The following CPA6 variants were observed in gnomAD, a reference collection of about 807,000 sequenced individuals.
The protein encoded by CPA6 is carboxypeptidase B.
In CPA6, 58 loss-of-function variants were observed where a neutral mutation model predicts 63.3. That is an observed-to-expected ratio of 0.92 (90% CI 0.74 to 1.14). The LOEUF is 1.14. Ranked by LOEUF, CPA6 falls within the 50% of genes most tolerant of loss-of-function variation. CPA6 has a pLI of 0.00. For synonymous variants in CPA6, 185 were observed against 179.0 expected, an observed-to-expected ratio of 1.03 and a Z score of -0.27; for missense variants, 565 against 526.6, an observed-to-expected ratio of 1.07 and a Z score of -0.71.
At chr8:67,641,113 C>T (rs991706265) in intron 1 of CPA6, among the ~76,000 whole-genome samples, 5 of 151,772 alleles carry the variant, frequency 3.3e-5, no homozygotes, top group Non-Finnish European at 7.3e-5. Context: ...CTGCTGCAGC[C>T]GGCATGATGG....
At chr8:67,503,240 T>G (rs1811863588) in intron 6 of CPA6, among the ~76,000 whole-genome samples, 1 of 151,970 alleles carries the variant, frequency 6.6e-6, no homozygotes, top group Non-Finnish European at 1.5e-5. Context: ...GGTTTTACCA[T>G]GTTGGCCAGG....
intron 2 of CPA6, among the ~76,000 whole-genome samples, chr8:67,581,337 ATTCATGGGGACTAGCCGTAATGTACAAAG>A (rs1304995649): frequency 2.0e-5 from 3 of 152,176 alleles, no homozygotes; most frequent in Non-Finnish European, 2.9e-5. Context: ...TATATTACTC[ATTCATGGGGACTAGCCGTAATGTACAAAG>A]TACATAAAGG....
intron 2 of CPA6, among the ~76,000 whole-genome samples, chr8:67,597,113 A>T (rs572093992): frequency 2.0e-5 from 3 of 151,572 alleles, no homozygotes; most frequent in Admixed American, 1.3e-4. Context: ...GTGACTACGC[A>T]TTACTTCTTC....
At chr8:67,721,410 T>C (rs2129001778) in intron 1 of CPA6, among the ~76,000 whole-genome samples, 1 of 152,352 alleles carries the variant, frequency 6.6e-6, no homozygotes, top group South Asian at 2.1e-4. Context: ...GACTTTTAAA[T>C]AAGTCACATA....
chr8:67,600,798 A>C (rs960577796), intron 2 of CPA6, among the ~76,000 whole-genome samples: 1 of 152,206 alleles, frequency 6.6e-6, no homozygotes, highest in Non-Finnish European at 1.5e-5. Context: ...TATAACAAAA[A>C]ATGTTTTCTC....
chr8:67,661,003 G>A (rs779204296), intron 1 of CPA6, among the ~76,000 whole-genome samples: 2 of 152,140 alleles, frequency 1.3e-5, no homozygotes, highest in Non-Finnish European at 2.9e-5. Context: ...GGCCTTTCTG[G>A]AAAGCAAAGT....
In CPA6 at chr8:67,677,342, C is replaced by CTTTTT. The variant is rs35049117; in HGVS notation, c.117-53096_117-53092dup. On this transcript the variant is annotated intron_variant, in intron 1 of 10. Transcript: ENST00000297770. ...TCTTTATTCATTTTCAAAACACCTT[C>CTTTTT]TTTTTTTTTTTTTTTTTTTATCCTG... Among the ~76,000 whole-genome samples, 114 of 128,322 alleles carry CTTTTT rather than the reference C, an allele frequency of 8.9e-4. 1 individual carries two copies. The highest frequency in any genetic ancestry group is 1.8e-3 in the East Asian group (8 of 4,490). 84.2% of individuals were successfully genotyped at this position (128,322 alleles called of 152,430 possible). A position where few individuals can be genotyped will look rare whatever the true frequency, so the allele number is the denominator to read the frequency against.
At chr8:67,743,990 A>T (rs1290515327) in intron 1 of CPA6, among the ~76,000 whole-genome samples, 1 of 152,232 alleles carries the variant, frequency 6.6e-6, no homozygotes, top group Non-Finnish European at 1.5e-5. Context: ...AAAAACTGCT[A>T]AATACTCTTC....
intron 8 of CPA6, among the ~76,000 whole-genome samples, chr8:67,458,668 G>A (rs1314703796): frequency 1.3e-5 from 2 of 152,152 alleles, no homozygotes; most frequent in African/African-American, 2.4e-5. Context: ...CTTTTAAAGC[G>A]TTAGTATCAA....
chr8:67,678,151 C>G (rs1816517175), intron 1 of CPA6, among the ~76,000 whole-genome samples: 1 of 150,908 alleles, frequency 6.6e-6, no homozygotes, highest in African/African-American at 2.4e-5. Flanking sequence ...TCACTTGAGC[C>G]TGGGAGGCAG....
At chr8:67,589,538 T>C (rs10504403) in intron 2 of CPA6, among the ~76,000 whole-genome samples, 28,959 of 152,084 alleles carry the variant, frequency 0.19, 3,608 homozygotes, top group African/African-American at 0.34. Context: ...ACTTCTAAAC[T>C]TCAAATGTAT....
At chr8:67,541,848 A>G (rs895978247) in intron 2 of CPA6, among the ~76,000 whole-genome samples, 30 of 152,248 alleles carry the variant, frequency 2.0e-4, no homozygotes, top group African/African-American at 7.2e-4. Flanking sequence ...ACCAGTCCCA[A>G]TGAGAGGAAC....
chr8:67,517,502 C>A (rs1812170083), intron 3 of CPA6, among the ~76,000 whole-genome samples: 1 of 152,212 alleles, frequency 6.6e-6, no homozygotes, highest in Admixed American at 6.5e-5. Flanking sequence ...TGCCCTCTGA[C>A]TTGCACTTCA....
chr8:67,607,742 G>A (rs1814703943), intron 2 of CPA6, among the ~76,000 whole-genome samples: 1 of 152,066 alleles, frequency 6.6e-6, no homozygotes. Flanking sequence ...ACATCACACT[G>A]GTATCTTTCT....
intron 1 of CPA6, among the ~76,000 whole-genome samples, chr8:67,727,649 C>T (rs1817623286): frequency 6.6e-6 from 1 of 152,240 alleles, no homozygotes; most frequent in Non-Finnish European, 1.5e-5. Flanking sequence ...CTTTTGAGGT[C>T]TGTTCTGAGA....
At chr8:67,611,934 C>A (rs1468712913) in intron 2 of CPA6, among the ~76,000 whole-genome samples, 1 of 152,232 alleles carries the variant, frequency 6.6e-6, no homozygotes, top group Admixed American at 6.5e-5. Context: ...CTTGGACAAT[C>A]TTCCTAATGC....
At chr8:67,459,309 C>T (rs894885212) in intron 8 of CPA6, among the ~76,000 whole-genome samples, 5 of 152,096 alleles carry the variant, frequency 3.3e-5, no homozygotes, top group Non-Finnish European at 5.9e-5. Flanking sequence ...TAGGTGTGTG[C>T]CACCATGCCC....
At chr8:67,503,276 T>G (rs1322673466) in intron 6 of CPA6, among the ~76,000 whole-genome samples, 2 of 151,920 alleles carry the variant, frequency 1.3e-5, no homozygotes, top group African/African-American at 4.8e-5. Context: ...TGATCTCAAG[T>G]GGCCCACCTG....
Position 67,434,106 on chromosome 8 carries a change from C to A in CPA6, c.973G>T (p.Ala325Ser). The A allele has an allele frequency of 1.9e-6, 3 of 1,613,912 alleles. No homozygotes were observed. Among genetic ancestry groups the A allele is most frequent in the Non-Finnish European group, 2.5e-6 (3 of 1,179,902 alleles). ...GGATACAGTAACATCTGAGCATATG[C>A]ATGAAAGGAGAGATAAGCCCTAATG... The part of the protein sequence containing the change: ...KHIRAYLSFH[A>S]YAQMLLYPYS... Residue 325 changes from alanine to serine, a missense_variant, in exon 9 of 11, where the codon GCA becomes TCA. Coordinates refer to ENST00000297770, the MANE Select transcript of CPA6 (RefSeq NM_020361.5).
Sources: gnomAD v4.1 joint callset for allele counts (sites outside exome capture counted in the v4.1 genomes callset) on GRCh38, gnomAD v4.1.1 for gene constraint, MANE v1.5 for transcripts, NCBI Gene and HGNC (gene_info 2026-07-23, HGNC 2026-07-21) for gene names.